FMNL3: variants seen among roughly 807,000 people sequenced by gnomAD.
The protein encoded by FMNL3 is formin like 3.
FMNL3 carries 57 observed loss-of-function variants against 119.6 expected under a neutral mutation model. That is an observed-to-expected ratio of 0.48 (90% CI 0.39 to 0.59). The LOEUF is 0.59. FMNL3 is among the 20% of genes least tolerant of loss of function. The pLI is 0.00. For missense variants in FMNL3, 1,053 were observed against 1,323.5 expected (o/e 0.80, Z 3.17); for synonymous variants, 491 against 507.3 (o/e 0.97, Z 0.43).
In FMNL3 at chr12:49,707,317, G is replaced by A. The variant is rs1945078136; in HGVS notation, c.-137C>T. The A allele has an allele frequency of 3.8e-6, 3 of 794,502 alleles. No individual in the cohort carries two copies. The highest frequency in any genetic ancestry group is 8.2e-5 in the Admixed American group (2 of 24,418). 49.2% of individuals were successfully genotyped at this position (794,502 alleles called of 1,614,324 possible). On this transcript the variant is annotated 5_prime_UTR_variant, in exon 1 of 26. Coordinates refer to ENST00000335154, the MANE Select transcript of FMNL3 (RefSeq NM_175736.5). Reference sequence around the variant, plus strand: ...TCCTCGGCCCCGTCGAGGGCGCCGGGGGTTCCCTGGAGTCCCGCTGGCGGG... The same window carrying A: ...TCCTCGGCCCCGTCGAGGGCGCCGGAGGTTCCCTGGAGTCCCGCTGGCGGG...
chr12:49,704,427 C>T (rs1395967673), intron 1 of FMNL3, among the ~76,000 whole-genome samples: 3 of 152,148 alleles, frequency 2.0e-5, no homozygotes, highest in Non-Finnish European at 4.4e-5. Context: ...ATAAGCTAAT[C>T]TGGCCAGGCA....
chr12:49,665,802 T>A (rs1243975054), intron 4 of FMNL3, 30 bp downstream of exon 4: 2 of 1,611,632 alleles, frequency 1.2e-6, no homozygotes, highest in Non-Finnish European at 8.5e-7. Context: ...TGGGGCCAGA[T>A]GAAGAGGCTA....
Position 49,641,934 on chromosome 12 carries a change from C to G in FMNL3, c.*3881G>C. ...ACCGGGGCTTCTGCGTGGAGGTGAA[C>G]ACGGCCTTTGAGGACTTCGCCCACG... On this transcript the variant is annotated 3_prime_UTR_variant, in exon 26 of 26. Coordinates refer to ENST00000335154, the MANE Select transcript of FMNL3 (RefSeq NM_175736.5). 3 of 1,613,688 alleles carry G rather than the reference C, an allele frequency of 1.9e-6. No homozygotes were observed. The highest frequency in any genetic ancestry group is 2.5e-6 in the Non-Finnish European group (3 of 1,180,048).
intron 1 of FMNL3, among the ~76,000 whole-genome samples, chr12:49,692,034 CAAAAA>C (rs773991970): frequency 4.5e-3 from 105 of 23,118 alleles, no homozygotes; most frequent in African/African-American, 0.011. Flanking sequence ...GACTCCATCT[CAAAAA>C]AAAAAAAAAA....
chr12:49,689,118 A>C (rs1944539854), intron 1 of FMNL3, among the ~76,000 whole-genome samples: 1 of 150,670 alleles, frequency 6.6e-6, no homozygotes, highest in Non-Finnish European at 1.5e-5. Flanking sequence ...ATCCTAACTC[A>C]AAAAATAATT....
At position 49,707,277 on chromosome 12, in the gene FMNL3, TC is replaced by T; in HGVS notation, c.-98del. The T allele has an allele frequency of 8.4e-7, 1 of 1,187,616 alleles. No individual in the cohort carries two copies. The highest frequency in any genetic ancestry group is 1.1e-6 in the Non-Finnish European group (1 of 900,292). The allele number at this position is 1,187,616 out of a possible 1,614,324, so 73.6% of individuals were successfully genotyped here. A position where few individuals can be genotyped will look rare whatever the true frequency, so the allele number is the denominator to read the frequency against. ...ACCAGGCTCCTCCCTCAGCGCCGGC[TC>T]CCCGAGTCCCGACTCCTCGGCCCCG... is the stretch of plus-strand genomic sequence containing the variant. On this transcript the variant is annotated 5_prime_UTR_variant, in exon 1 of 26. Coordinates refer to ENST00000335154, the MANE Select transcript of FMNL3 (RefSeq NM_175736.5).
chr12:49,658,662 C>T, intron 5 of FMNL3, 68 bp from the exon 6 acceptor site: 3 of 1,474,306 alleles, frequency 2.0e-6, no homozygotes, highest in Non-Finnish European at 2.7e-6. Context: ...GTGCCAAGGC[C>T]CCCCGTGAGC....
Position 49,643,756 on chromosome 12 carries a change from A to G in FMNL3, c.*2059T>C, listed in dbSNP as rs1942981491. On this transcript the variant is annotated 3_prime_UTR_variant, in exon 26 of 26. Coordinates refer to ENST00000335154, the MANE Select transcript of FMNL3 (RefSeq NM_175736.5). ...TAAGAAGAGAAGACACAAGTCGGTG[A>G]GTGAAGGAACTTCTACCTAAGCCCC... The G allele has an allele frequency of 3.1e-6, 5 of 1,613,994 alleles. No individual in the cohort carries two copies. The highest frequency in any genetic ancestry group is 4.2e-6 in the Non-Finnish European group (5 of 1,179,978).
chr12:49,654,375 G>A lies in FMNL3; in HGVS notation c.961-73C>T, dbSNP rs144708179. ...AAGGCAAGAGACCAGGAGGATAGGC[G>A]GCTGTTAGAATATCATCATCATGTG... On this transcript the variant is annotated intron_variant, in intron 10 of 25. Coordinates refer to ENST00000335154, the MANE Select transcript of FMNL3 (RefSeq NM_175736.5). 1.9e-3 allele frequency: 2,424 copies of A among 1,254,988 alleles called. 33 individuals are homozygous for A. The African/African-American group carries it at 0.029, about 15-fold the overall frequency. The allele number at this position is 1,254,988 out of a possible 1,614,324, so 77.7% of individuals were successfully genotyped here. A position where few individuals can be genotyped will look rare whatever the true frequency, so the allele number is the denominator to read the frequency against.
intron 1 of FMNL3, 129 bp downstream of exon 1, chr12:49,706,926 G>A: frequency 1.8e-6 from 2 of 1,131,718 alleles, no homozygotes; most frequent in South Asian, 3.1e-5. Context: ...GGAAGACACT[G>A]GAGGCCGGGA....
At chr12:49,670,739 A>G (rs1009655933) in intron 1 of FMNL3, among the ~76,000 whole-genome samples, 1 of 152,234 alleles carries the variant, frequency 6.6e-6, no homozygotes, top group Non-Finnish European at 1.5e-5. Context: ...CAAGATGGTC[A>G]AACACAAGCC....
At chr12:49,704,710 C>CAAAAAAAAAAAAAAAA (rs59799899) in intron 1 of FMNL3, among the ~76,000 whole-genome samples, 7 of 37,846 alleles carry the variant, frequency 1.8e-4, no homozygotes, top group African/African-American at 2.2e-4. Flanking sequence ...AACTCCATCT[C>CAAAAAAAAAAAAAAAA]AAAAAAAAAA....
At position 49,637,515 on chromosome 12, in the gene FMNL3, T is replaced by G; in HGVS notation, c.*8300A>C. The G allele has an allele frequency of 6.2e-7, 1 of 1,613,876 alleles. No individual in the cohort carries two copies. The highest frequency in any genetic ancestry group is 8.5e-7 in the Non-Finnish European group (1 of 1,180,030). On this transcript the variant is annotated 3_prime_UTR_variant, in exon 26 of 26. Transcript: ENST00000335154. ...TGAGACAGGGCAGCTGCACTCTATG[T>G]CCACCTGGATGGAGCTATATCCAGC... is the stretch of plus-strand genomic sequence containing the variant.
chr12:49,707,052 C>A lies in FMNL3; in HGVS notation c.126+3G>T. On this transcript the variant is annotated splice_donor_region_variant and intron_variant, in intron 1 of 25. Coordinates refer to ENST00000335154, the MANE Select transcript of FMNL3 (RefSeq NM_175736.5). ...GGGGGAAGGGGCTGGGCTCAGCTCT[C>A]ACCAGCACCAGGGCGAACCTTTCCT... The A allele has an allele frequency of 6.3e-7, 1 of 1,577,628 alleles. No individual in the cohort carries two copies. The highest frequency in any genetic ancestry group is 1.3e-5 in the African/African-American group (1 of 74,514).
At chr12:49,697,440 T>TA (rs768902346) in intron 1 of FMNL3, among the ~76,000 whole-genome samples, 27 of 152,276 alleles carry the variant, frequency 1.8e-4, no homozygotes, top group Middle Eastern at 3.4e-3. Flanking sequence ...CAAATCTCAG[T>TA]AGGGGTGCCA....
In FMNL3 at chr12:49,637,047, A is replaced by G; in HGVS notation, c.*8768T>C. ...TTCTGGACTGTGCTCTTCTAGGGAG[A>G]CTAGATGTATGCACCACCCAGAAAC... On this transcript the variant is annotated 3_prime_UTR_variant, in exon 26 of 26. Coordinates refer to ENST00000335154, the MANE Select transcript of FMNL3 (RefSeq NM_175736.5). 1.3e-6 allele frequency: 1 copy of G among 798,524 alleles called. No homozygotes were observed. Among genetic ancestry groups the G allele is most frequent in the Non-Finnish European group, 1.9e-6 (1 of 517,214 alleles). 49.5% of individuals were successfully genotyped at this position (798,524 alleles called of 1,614,324 possible). A position where few individuals can be genotyped will look rare whatever the true frequency, so the allele number is the denominator to read the frequency against.
At chr12:49,706,229 C>G (rs1430543713) in intron 1 of FMNL3, among the ~76,000 whole-genome samples, 1 of 152,214 alleles carries the variant, frequency 6.6e-6, no homozygotes, top group African/African-American at 2.4e-5. Flanking sequence ...CCAATTCCCA[C>G]ACCAAAGAAG....
rs1942074330 is a variant in FMNL3 at position 49,637,940 on chromosome 12, T to C, written c.*7875A>G. 6.5e-6 allele frequency: 5 copies of C among 774,124 alleles called. No individual in the cohort carries two copies. Among genetic ancestry groups the C allele is most frequent in the Non-Finnish European group, 1.1e-5 (5 of 459,112 alleles). The allele number at this position is 774,124 out of a possible 1,614,324, so 48.0% of individuals were successfully genotyped here. A position where few individuals can be genotyped will look rare whatever the true frequency, so the allele number is the denominator to read the frequency against. On this transcript the variant is annotated 3_prime_UTR_variant, in exon 26 of 26. Transcript: ENST00000335154. ...GCATTACAGCTTGGTTCAGCAGATA[T>C]CTACTGTGATCCTTTACTGCACACT...
intron 1 of FMNL3, among the ~76,000 whole-genome samples, chr12:49,682,484 C>T (rs1375421789): frequency 6.6e-6 from 1 of 152,112 alleles, no homozygotes; most frequent in Admixed American, 6.5e-5. Flanking sequence ...GCTGAGACTA[C>T]AGGTGTGTGC....
Sources: allele counts gnomAD v4.1 joint callset (sites outside exome capture counted in the v4.1 genomes callset), GRCh38; gene constraint gnomAD v4.1.1; transcripts MANE v1.5; gene names NCBI Gene and HGNC (gene_info 2026-07-23, HGNC 2026-07-21).